Variants in ABLIM2 observed in about 807,000 individuals in gnomAD.
ABLIM2 encodes the protein actin-binding LIM protein 2.
A neutral mutation model predicts 97.7 loss-of-function variants in ABLIM2; 53 were observed. That is an observed-to-expected ratio of 0.54 (90% confidence interval 0.44 to 0.68). ABLIM2 has a LOEUF of 0.68. ABLIM2 is among the 30% of genes least tolerant of loss of function. ABLIM2 has a pLI of 0.00. For missense variants in ABLIM2, 835 were observed against 867.2 expected, an observed-to-expected ratio of 0.96 and a Z score of 0.47; for synonymous variants, 361 against 345.8, an observed-to-expected ratio of 1.04 and a Z score of -0.49.
In ABLIM2 at chr4:8,001,224, T is replaced by C. The variant is rs73214082; in HGVS notation, c.1618+6835A>G. Among the ~76,000 whole-genome samples the C allele has an allele frequency of 0.15, 22,560 of 152,080 alleles. 2,219 individuals are homozygous for C. The highest frequency in any genetic ancestry group is 0.23 in the Middle Eastern group (68 of 294). On this transcript the variant is annotated intron_variant, in intron 16 of 20. Coordinates refer to ENST00000447017, the MANE Select transcript of ABLIM2 (RefSeq NM_001130083.2). The surrounding 1 kb of genome is among the most constrained non-coding windows in gnomAD (Gnocchi z 4.2). ...TTCCGGTGTCGGGGCCCAGGCAGCATTGGAGGAGGACAGAGGAGGCCCTGG... is the reference window on the plus strand; with the variant it reads ...TTCCGGTGTCGGGGCCCAGGCAGCACTGGAGGAGGACAGAGGAGGCCCTGG...
intron 10 of ABLIM2, among the ~76,000 whole-genome samples, chr4:8,035,820 C>T (rs1370898874): frequency 1.3e-5 from 2 of 152,228 alleles, no homozygotes; most frequent in Non-Finnish European, 2.9e-5. Context: ...TGAAAATAAT[C>T]TAATACTTAA....
At chr4:8,060,928 C>G in intron 7 of ABLIM2, 39 bp downstream of exon 7, 1 of 1,522,880 alleles carries the variant, frequency 6.6e-7, no homozygotes, top group Non-Finnish European at 8.9e-7. Flanking sequence ...AGGGTAGTTC[C>G]TTGCTCTAGG....
chr4:8,004,859 T>C lies in ABLIM2; in HGVS notation c.1618+3200A>G, dbSNP rs971662766. ...CAGAAAAGCAGTCAATAATAAAATA[T>C]AGATTTCACTATGACGCCCTCTTTG... On this transcript the variant is annotated intron_variant, in intron 16 of 20. Transcript: ENST00000447017. The surrounding 1 kb of genome is among the most constrained non-coding windows in gnomAD (Gnocchi z 5.9). Among the ~76,000 whole-genome samples, 3 of 152,206 alleles carry C rather than the reference T, an allele frequency of 2.0e-5. No homozygotes were observed. Among genetic ancestry groups the C allele is most frequent in the East Asian group, 1.9e-4 (1 of 5,204 alleles).
At chr4:8,115,313 G>C (rs182653832) in intron 1 of ABLIM2, among the ~76,000 whole-genome samples, 78 of 152,240 alleles carry the variant, frequency 5.1e-4, no homozygotes, top group African/African-American at 1.7e-3. Context: ...CAGCGAACCA[G>C]CTCATGAGGG....
chr4:8,045,390 C>T (rs929395921), intron 8 of ABLIM2, 149 bp from the exon 9 acceptor site: 16 of 720,604 alleles, frequency 2.2e-5, no homozygotes, highest in South Asian at 2.1e-4. Flanking sequence ...GCGGCTCACG[C>T]CTATAATCCC....
At position 8,087,507 on chromosome 4, in the gene ABLIM2, G is replaced by C. The variant is rs1356475423; in HGVS notation, c.454+662C>G. 6.6e-6 allele frequency among the ~76,000 whole-genome samples: 1 copy of C among 152,200 alleles called. No individual in the cohort carries two copies. Among genetic ancestry groups the C allele is most frequent in the East Asian group, 1.9e-4 (1 of 5,196 alleles). On this transcript the variant is annotated intron_variant, in intron 4 of 20. Coordinates refer to ENST00000447017, the MANE Select transcript of ABLIM2 (RefSeq NM_001130083.2). The surrounding 1 kb of genome is among the most constrained non-coding windows in gnomAD (Gnocchi z 4.6). ...TGAACCCAAGGGCCCCTGACTGCGG[G>C]AGCCCGGAGCTCAGTGTTCCTCTAC...
At position 8,077,703 on chromosome 4, in the gene ABLIM2, G is replaced by C. The variant is rs202123060; in HGVS notation, c.600C>G (p.Cys200Trp). 3 of 1,612,336 alleles carry C rather than the reference G, an allele frequency of 1.9e-6. No homozygotes were observed. The highest frequency in any genetic ancestry group is 2.2e-5 in the South Asian group (2 of 90,586). Reference sequence around the variant, plus strand: ...CGAACTTGGCGTGATAGTCAGCTTCGCAGTAGGGCAGCCCATCCCTGCAAT... The same window carrying C: ...CGAACTTGGCGTGATAGTCAGCTTCCCAGTAGGGCAGCCCATCCCTGCAAT... ...EYISKDGLPY[C>W]EADYHAKFGI... Residue 200 changes from cysteine to tryptophan, a missense_variant, in exon 6 of 21, where the codon TGC (cysteine) becomes TGG (tryptophan). Physicochemically the swap from Cys to Trp is radical, Grantham distance 215. Transcript: ENST00000447017.
rs571733395 is a variant in ABLIM2 at position 7,978,773 on chromosome 4, C to A, written c.1824+4491G>T. 2.7e-3 allele frequency among the ~76,000 whole-genome samples: 418 copies of A among 152,300 alleles called. 1 individual carries two copies. The highest frequency in any genetic ancestry group is 6.6e-3 in the African/African-American group (275 of 41,570). On this transcript the variant is annotated intron_variant, in intron 20 of 20. Transcript: ENST00000447017. ...TGGGATGGGACCTGACCACAGAACT[C>A]AAGGAAACAACTTCAACAGGAGCTG...
rs1045447200 is a variant in ABLIM2, at chr4:8,085,023, C to A, written c.454+3146G>T. The stretch of plus-strand genomic sequence containing the variant: ...GAGCTTCAGGGACACAGGGGACCTC[C>A]CAACGAGAGTGGTGGGGAAGCTGAG... On this transcript the variant is annotated intron_variant, in intron 4 of 20. Coordinates refer to ENST00000447017, the MANE Select transcript of ABLIM2 (RefSeq NM_001130083.2). This position sits in a 1 kb window ranked among gnomAD's most constrained non-coding sequence, Gnocchi z 6.1. Among the ~76,000 whole-genome samples the A allele has an allele frequency of 6.6e-6, 1 of 152,206 alleles. No homozygotes were observed. The highest frequency in any genetic ancestry group is 1.5e-5 in the Non-Finnish European group (1 of 68,030).
At position 8,091,532 on chromosome 4, in the gene ABLIM2, AAAATTATATATAATATTTATAATTAT is replaced by A. The variant is rs1828067144; in HGVS notation, c.339-3274_339-3249del. 7.5e-5 allele frequency among the ~76,000 whole-genome samples: 2 copies of A among 26,502 alleles called. 1 individual carries two copies. The highest frequency in any genetic ancestry group is 4.4e-4 in the African/African-American group (2 of 4,578). The allele number at this position is 26,502 out of a possible 152,430, so 17.4% of individuals were successfully genotyped here. On this transcript the variant is annotated intron_variant, in intron 3 of 20. Coordinates refer to ENST00000447017, the MANE Select transcript of ABLIM2 (RefSeq NM_001130083.2). Reference sequence around the variant, plus strand: ...AAAATATAAAATATATATTATATATAAAATTATATATAATATTTATAATTATATATATTATATATAATTTTATATAA... The same window carrying A: ...AAAATATAAAATATATATTATATATAATATATTATATATAATTTTATATAA...
rs771456940 is a variant in ABLIM2, at chr4:8,054,219, C to T, written c.791G>A (p.Arg264Gln). 1.2e-4 allele frequency: 196 copies of T among 1,614,034 alleles called. No homozygotes were observed. The highest frequency in any genetic ancestry group is 1.5e-4 in the Non-Finnish European group (180 of 1,179,900). ...TCTGTCTTCAGTTCTGGCTGCTTGT[C>T]GACACGCCGGATGCCAGATGGAGGA... ...QGSSIWHPAC[R>Q]QAARTEDRNK... Residue 264 changes from arginine to glutamine, a missense_variant, in exon 8 of 21, where the codon CGA becomes CAA. Physicochemically the swap from Arg to Gln is conservative, Grantham distance 43 (BLOSUM62 1). Transcript: ENST00000447017. The surrounding 1 kb of genome is among the most constrained non-coding windows in gnomAD (Gnocchi z 4.9).
chr4:8,011,442 G>A (rs1049484114), intron 14 of ABLIM2, among the ~76,000 whole-genome samples: 8 of 152,166 alleles, frequency 5.3e-5, no homozygotes, highest in Non-Finnish European at 8.8e-5. Context: ...CTGGCACTTC[G>A]GATTATTGGT....
At chr4:8,035,450 G>A (rs1038155982) in intron 10 of ABLIM2, among the ~76,000 whole-genome samples, 30 of 152,296 alleles carry the variant, frequency 2.0e-4, no homozygotes, top group African/African-American at 6.5e-4. Context: ...CCACCCCGGG[G>A]AGCCCCCCAT....
chr4:8,139,508 C>T (rs528327471), intron 1 of ABLIM2, among the ~76,000 whole-genome samples: 95 of 152,262 alleles, frequency 6.2e-4, no homozygotes, highest in African/African-American at 2.1e-3. Flanking sequence ...AAAAGCTCAA[C>T]GTCAATGATC....
In ABLIM2 at chr4:8,061,874, C is replaced by T. The variant is rs2152123291; in HGVS notation, c.676-820G>A. 6.6e-6 allele frequency among the ~76,000 whole-genome samples: 1 copy of T among 152,222 alleles called. No individual in the cohort carries two copies. Among genetic ancestry groups the T allele is most frequent in the South Asian group, 2.1e-4 (1 of 4,820 alleles). On this transcript the variant is annotated intron_variant, in intron 6 of 20. Coordinates refer to ENST00000447017, the MANE Select transcript of ABLIM2 (RefSeq NM_001130083.2). This position sits in a 1 kb window ranked among gnomAD's most constrained non-coding sequence, Gnocchi z 4.5. ...ATCAGTAAGTAAAGGGCTGAAATGT[C>T]ATTTTGAGCATCCCGTTTTCCCTGT...
rs1352548563 is a variant in ABLIM2 at position 8,009,110 on chromosome 4, G to A, written c.1424-8C>T. The A allele has an allele frequency of 2.5e-6, 4 of 1,613,998 alleles. No homozygotes were observed. Among genetic ancestry groups the A allele is most frequent in the Non-Finnish European group, 3.4e-6 (4 of 1,179,886 alleles). ...CATCCGATCGCCTGGCAGCTGGAAG[G>A]GAAAAATCCATTTGTAAAGGCCACA... On this transcript the variant is annotated splice_polypyrimidine_tract_variant and splice_region_variant and intron_variant, in intron 14 of 20. Transcript: ENST00000447017.
At chr4:7,975,382 T>C (rs913558804) in intron 20 of ABLIM2, among the ~76,000 whole-genome samples, 2 of 152,224 alleles carry the variant, frequency 1.3e-5, no homozygotes, top group African/African-American at 4.8e-5. Flanking sequence ...CCCTCTTCCA[T>C]GGGACAGCCC....
chr4:8,073,519 C>T (rs1813812974), intron 6 of ABLIM2, among the ~76,000 whole-genome samples: 1 of 151,824 alleles, frequency 6.6e-6, no homozygotes, highest in Admixed American at 6.6e-5. Context: ...GTGGGGTGTG[C>T]CAGCAAGGGC....
At chr4:8,090,791 A>T (rs1411776668) in intron 3 of ABLIM2, among the ~76,000 whole-genome samples, 1 of 101,150 alleles carries the variant, frequency 9.9e-6, no homozygotes, top group Admixed American at 9.4e-5. Flanking sequence ...AGGTCCACTC[A>T]TGCTATTTGC....
Sources: allele counts gnomAD v4.1 joint callset (sites outside exome capture counted in the v4.1 genomes callset), GRCh38; gene constraint gnomAD v4.1.1; non-coding constraint Gnocchi (gnomAD v3.1); transcripts MANE v1.5; gene names NCBI Gene and HGNC (gene_info 2026-07-23, HGNC 2026-07-21).